Variants in SAMD12 observed in about 807,000 individuals in gnomAD.
SAMD12 encodes sterile alpha motif domain-containing protein 12.
Under a neutral mutation model 15.0 loss-of-function variants are expected in SAMD12, and 9 were observed. The observed-to-expected ratio is 0.60, with a 90% confidence interval of 0.36 to 1.05. The LOEUF is 1.05. Ranked by LOEUF, SAMD12 falls within the 50% of genes least tolerant of loss-of-function variation. The pLI, the probability that SAMD12 is intolerant of heterozygous loss-of-function variation, is 0.01. For missense variants in SAMD12, 230 were observed against 234.2 expected (o/e 0.98, Z 0.12); for synonymous variants, 86 against 90.1 (o/e 0.96, Z 0.25).
intron 2 of SAMD12, among the ~76,000 whole-genome samples, chr8:118,443,388 G>A (rs1435203844): frequency 6.6e-6 from 1 of 152,136 alleles, no homozygotes; most frequent in East Asian, 1.9e-4. Context: ...AACCTGGGAG[G>A]TGGAGATTGC....
intron 4 of SAMD12, among the ~76,000 whole-genome samples, chr8:118,325,374 G>A (rs1816516485): frequency 2.0e-5 from 3 of 152,172 alleles, no homozygotes; most frequent in Admixed American, 2.0e-4. Context: ...GAAACGAGGG[G>A]AGAGAGTGAG....
At chr8:118,362,988 G>C (rs1818579786) in intron 4 of SAMD12, among the ~76,000 whole-genome samples, 3 of 152,146 alleles carry the variant, frequency 2.0e-5, no homozygotes, top group African/African-American at 7.2e-5. Flanking sequence ...ATTCCTAGCA[G>C]CCCAAAAAAT....
In SAMD12 at chr8:118,570,941, T is replaced by C. The variant is rs548360094; in HGVS notation, c.192+9774A>G. Reference sequence around the variant, plus strand: ...AGCTCTCTTTGCCTGCTGCCATTCATGTAAGACATGACTTGTTCCTCCTTA... The same window carrying C: ...AGCTCTCTTTGCCTGCTGCCATTCACGTAAGACATGACTTGTTCCTCCTTA... On this transcript the variant is annotated intron_variant, in intron 2 of 3. Coordinates refer to ENST00000314727, the MANE Select transcript of SAMD12 (RefSeq NM_207506.3). Among the ~76,000 whole-genome samples, 9 of 152,320 alleles carry C rather than the reference T, an allele frequency of 5.9e-5. No homozygotes were observed. The East Asian group carries it at 1.5e-3, about 26-fold the overall frequency.
intron 2 of SAMD12, among the ~76,000 whole-genome samples, chr8:118,538,509 G>C (rs1825907993): frequency 6.6e-6 from 1 of 152,134 alleles, no homozygotes; most frequent in Non-Finnish European, 1.5e-5. Flanking sequence ...AGTTCTGCCT[G>C]GTATTGCTTT....
intron 4 of SAMD12, among the ~76,000 whole-genome samples, chr8:118,295,283 T>C (rs531691104): frequency 1.3e-5 from 2 of 152,350 alleles, no homozygotes; most frequent in Admixed American, 1.3e-4. Flanking sequence ...TTAATCTCTG[T>C]ATATACTTTT....
intron 2 of SAMD12, among the ~76,000 whole-genome samples, chr8:118,561,960 A>G (rs1826713334): frequency 6.6e-6 from 1 of 152,258 alleles, no homozygotes; most frequent in South Asian, 2.1e-4. Context: ...CCACAAATAT[A>G]GAAACCAACA....
chr8:118,543,500 C>T (rs1215104131), intron 2 of SAMD12, among the ~76,000 whole-genome samples: 2 of 152,124 alleles, frequency 1.3e-5, no homozygotes, highest in East Asian at 3.8e-4. Flanking sequence ...ATCTTGAGTC[C>T]ACATCCTATG....
intron 3 of SAMD12, among the ~76,000 whole-genome samples, chr8:118,414,356 T>C (rs1821577955): frequency 6.6e-6 from 1 of 151,952 alleles, no homozygotes; most frequent in Non-Finnish European, 1.5e-5. Context: ...CTGCCAAAAA[T>C]CACATTTTAG....
Position 118,350,659 on chromosome 8 carries a change from T to C in SAMD12, c.433+28901A>G, listed in dbSNP as rs116949433. ...AGGATTTGCCTGAGGCTTAGCAGTG[T>C]TGGACAAATGTCTATTAAGTGAATG... On this transcript the variant is annotated intron_variant, in intron 4 of 4. Transcript: ENST00000409003. Among the ~76,000 whole-genome samples the C allele has an allele frequency of 3.4e-3, 522 of 152,348 alleles. 2 individuals are homozygous for C. The highest frequency in any genetic ancestry group is 5.8e-3 in the Non-Finnish European group (393 of 68,026).
intron 4 of SAMD12, among the ~76,000 whole-genome samples, chr8:118,359,141 G>A (rs1362195656): frequency 6.6e-6 from 1 of 152,030 alleles, no homozygotes; most frequent in African/African-American, 2.4e-5. Flanking sequence ...ATCTTAAAAT[G>A]TAACATATTT....
At chr8:118,439,181 T>C (rs1440843782) in intron 3 of SAMD12, among the ~76,000 whole-genome samples, 1 of 152,196 alleles carries the variant, frequency 6.6e-6, no homozygotes, top group Non-Finnish European at 1.5e-5. Context: ...ACGTATAATA[T>C]TTGAATACCC....
chr8:118,137,849 C>A, the SAMD12 span, among the ~76,000 whole-genome samples: 1 of 152,294 alleles, frequency 6.6e-6, no homozygotes, highest in East Asian at 1.9e-4. Context: ...CCATCCAGGG[C>A]CACATACGGC....
At chr8:118,173,754 C>T in the SAMD12 span, among the ~76,000 whole-genome samples, 4 of 151,412 alleles carry the variant, frequency 2.6e-5, no homozygotes, top group South Asian at 6.2e-4. Context: ...CTCAGCTTCC[C>T]GCATAGCTGG....
Position 118,273,998 on chromosome 8 carries a change from A to G in SAMD12, c.434-76266T>C, listed in dbSNP as rs1427106951. ...TCAACGTAAGGTATTGCATTTCTTA[A>G]TCAATATTAGTTAATGTTTATTTGG... On this transcript the variant is annotated intron_variant, in intron 4 of 4. Transcript: ENST00000409003. 1.1e-3 allele frequency among the ~76,000 whole-genome samples: 173 copies of G among 152,316 alleles called. 1 individual carries two copies. The highest frequency in any genetic ancestry group is 4.4e-5 in the Non-Finnish European group (3 of 68,028).
the SAMD12 span, among the ~76,000 whole-genome samples, chr8:118,171,134 T>A: frequency 2.0e-5 from 3 of 152,340 alleles, no homozygotes; most frequent in East Asian, 5.8e-4. Flanking sequence ...TACCATCTCA[T>A]AAACACTGGG....
At chr8:118,276,775 T>C (rs1346723796) in intron 4 of SAMD12, among the ~76,000 whole-genome samples, 2 of 152,148 alleles carry the variant, frequency 1.3e-5, no homozygotes, top group African/African-American at 4.8e-5. Context: ...CAGGTTCAAG[T>C]GAGTTTCCTG....
At chr8:118,417,746 G>A (rs373497830) in intron 3 of SAMD12, among the ~76,000 whole-genome samples, 1 of 152,178 alleles carries the variant, frequency 6.6e-6, no homozygotes, top group African/African-American at 2.4e-5. Context: ...TTCAAACACT[G>A]TAAGATATAA....
chr8:118,579,009 C>G (rs1321404654), intron 2 of SAMD12, among the ~76,000 whole-genome samples: 2 of 152,110 alleles, frequency 1.3e-5, no homozygotes, highest in African/African-American at 4.8e-5. Context: ...AGCAAAGGAA[C>G]TATAAAATGC....
intron 4 of SAMD12, among the ~76,000 whole-genome samples, chr8:118,275,888 T>G (rs1165569635): frequency 2.0e-5 from 3 of 152,236 alleles, no homozygotes; most frequent in African/African-American, 7.2e-5. Flanking sequence ...GGACATGATT[T>G]CATTCTTTTT....
Sources: gnomAD v4.1 joint callset for allele counts (sites outside exome capture counted in the v4.1 genomes callset) on GRCh38, gnomAD v4.1.1 for gene constraint, MANE v1.5 for transcripts, NCBI Gene and HGNC (gene_info 2026-07-23, HGNC 2026-07-21) for gene names.